The following POMZP3 variants were observed in gnomAD, a reference collection of about 807,000 sequenced individuals.
POMZP3 encodes the protein POM121 and ZP3 fusion.
Under a neutral mutation model 19.8 loss-of-function variants are expected in POMZP3, and 10 were observed. That is an observed-to-expected ratio of 0.51 (90% CI 0.31 to 0.86). The LOEUF (loss-of-function observed/expected upper bound fraction) is 0.86. Ranked by LOEUF, POMZP3 falls within the 40% of genes least tolerant of loss-of-function variation. POMZP3 has a pLI of 0.04. For missense variants in POMZP3, 152 were observed against 228.1 expected (o/e 0.67, Z 2.15); for synonymous variants, 57 against 85.8 (o/e 0.66, Z 1.85).
At position 76,626,127 on chromosome 7, in the gene POMZP3, G is replaced by A. The variant is rs1319453727; in HGVS notation, c.-63C>T. The A allele has an allele frequency of 1.4e-5, 22 of 1,612,410 alleles. No homozygotes were observed. The East Asian group carries it at 3.6e-4, about 26-fold the overall frequency. ...TAACCATTCCAGCACACTGTGGGAA[G>A]TACCCCCGGACAGGAATACTGGGCC... is the stretch of plus-strand genomic sequence containing the variant. On this transcript the variant is annotated 5_prime_UTR_variant, in exon 2 of 7. Transcript: ENST00000310842.
intron 4 of POMZP3, among the ~76,000 whole-genome samples, chr7:76,614,839 GAC>G (rs1428842594): frequency 2.6e-5 from 2 of 75,512 alleles, no homozygotes; most frequent in East Asian, 7.0e-4. Context: ...CAGCCTGGGT[GAC>G]AGAGCGAGAC....
At chr7:76,623,608 G>A (rs1342342791) in intron 3 of POMZP3, among the ~76,000 whole-genome samples, 1 of 147,270 alleles carries the variant, frequency 6.8e-6, no homozygotes, top group Non-Finnish European at 1.5e-5. Context: ...AGACCAGCCT[G>A]GCCAACAGGG....
chr7:76,620,347 A>AC (rs1452758833), intron 3 of POMZP3, among the ~76,000 whole-genome samples: 1 of 88,306 alleles, frequency 1.1e-5, no homozygotes, highest in African/African-American at 5.4e-5. Context: ...AAAAAAAAAA[A>AC]GGACAACACG....
intron 3 of POMZP3, among the ~76,000 whole-genome samples, chr7:76,624,444 C>T (rs1386676898): frequency 8.4e-6 from 1 of 118,474 alleles, no homozygotes; most frequent in Non-Finnish European, 1.7e-5. Context: ...TTACAAACCA[C>T]ATAAGGAATT....
At chr7:76,624,840 T>C (rs1815775511) in intron 3 of POMZP3, among the ~76,000 whole-genome samples, 1 of 151,406 alleles carries the variant, frequency 6.6e-6, no homozygotes, top group African/African-American at 2.4e-5. Flanking sequence ...ATTAAGACAC[T>C]AGAACTGGTG....
In POMZP3 at chr7:76,626,130, C is replaced by A. The variant is rs369559926; in HGVS notation, c.-66G>T. The A allele has an allele frequency of 1.2e-6, 2 of 1,611,848 alleles. No homozygotes were observed. Among genetic ancestry groups the A allele is most frequent in the South Asian group, 1.1e-5 (1 of 90,814 alleles). On this transcript the variant is annotated 5_prime_UTR_variant, in exon 2 of 7. Transcript: ENST00000310842. The stretch of plus-strand genomic sequence containing the variant: ...CCATTCCAGCACACTGTGGGAAGTA[C>A]CCCCGGACAGGAATACTGGGCCTGA...
chr7:76,618,099 A>AG, intron 4 of POMZP3, 84 bp downstream of exon 4: 5 of 1,032,282 alleles, frequency 4.8e-6, no homozygotes, highest in South Asian at 1.5e-5. Flanking sequence ...TCATTTGCTT[A>AG]GGGGTGGAGC....
chr7:76,626,199 G>A lies in POMZP3; in HGVS notation c.-135C>T. 3.8e-6 allele frequency: 6 copies of A among 1,563,856 alleles called. No homozygotes were observed. Among genetic ancestry groups the A allele is most frequent in the Non-Finnish European group, 4.3e-6 (5 of 1,153,168 alleles). ...CGAGGTGTTATTACAAACCGATCTG[G>A]TAAAGTCCCACGATCCCTGCAGAGA... On this transcript the variant is annotated 5_prime_UTR_variant, in exon 2 of 7. Transcript: ENST00000310842.
chr7:76,610,785 G>A (rs1038213693), intron 6 of POMZP3, among the ~76,000 whole-genome samples: 23 of 149,730 alleles, frequency 1.5e-4, no homozygotes, highest in African/African-American at 4.9e-4. Flanking sequence ...CAGGCTGGTC[G>A]AGAACTCATG....
intron 3 of POMZP3, among the ~76,000 whole-genome samples, chr7:76,623,264 G>C (rs62476691): frequency 4.0e-5 from 6 of 151,104 alleles, no homozygotes; most frequent in African/African-American, 1.5e-4. Flanking sequence ...ACAGTCTTAT[G>C]ACTCTTTAAT....
rs778799883 is a variant in POMZP3, at chr7:76,611,750, C to G, written c.409G>C (p.Ala137Pro). The change falls in exon 5 of 7, where the codon GCC becomes CCC. Residue 137 changes from alanine (A) to proline (P), a missense_variant. Ala to Pro is a conservative substitution (Grantham distance 27, BLOSUM62 -1). Transcript: ENST00000310842. ...AEQDPDELNK[A>P]CSFSKPSNSW... ...TTGGAAGGCTTGCTGAAGGAACAGG[C>G]CTTGTTGAGTTCATCTGGGTCCTGC... 1.9e-6 allele frequency: 3 copies of G among 1,548,574 alleles called. No individual in the cohort carries two copies. The South Asian group carries it at 3.4e-5, about 17-fold the overall frequency.
At chr7:76,621,098 CTT>C in intron 3 of POMZP3, 1 of 148,816 alleles carries the variant, frequency 6.7e-6, no homozygotes, top group South Asian at 2.1e-4. Flanking sequence ...AGCTATCTTG[CTT>C]TTCTTTGTTG....
Position 76,626,012 on chromosome 7 carries a change from G to A in POMZP3, c.53C>T (p.Ser18Leu), listed in dbSNP as rs761759503. Reference sequence around the variant, plus strand: ...CGATAATACTCACATCGCAGAACGCGAAAATCTTCTGTCAGGAGGGGCGAT... The same window carrying A: ...CGATAATACTCACATCGCAGAACGCAAAAATCTTCTGTCAGGAGGGGCGAT... ...LRIAPPDRRFSRSAIPEQIIS... is the reference protein window; with the variant it reads ...LRIAPPDRRFLRSAIPEQIIS... Residue 18 changes from serine (S) to leucine (L), a missense_variant, in exon 2 of 7, where the codon TCG becomes TTG. Around this residue, in one of 4 missense-constraint regions of POMZP3, gnomAD observed 70 missense variants for 64.1 expected, o/e 1.09. Transcript: ENST00000310842. 4.3e-6 allele frequency: 7 copies of A among 1,613,830 alleles called. No individual in the cohort carries two copies. The Admixed American group carries it at 8.3e-5, about 19-fold the overall frequency.
intron 3 of POMZP3, among the ~76,000 whole-genome samples, chr7:76,624,993 C>T (rs541666198): frequency 1.4e-4 from 21 of 151,496 alleles, no homozygotes; most frequent in Non-Finnish European, 1.3e-4. Context: ...ATTAGCCGGG[C>T]ATGGTGGCGG....
Position 76,626,869 on chromosome 7 carries a change from G to A in POMZP3, c.-313C>T. On this transcript the variant is annotated 5_prime_UTR_variant, in exon 1 of 7. Transcript: ENST00000310842. ...CAGGTCCTGGCCCTCCGGAGCGGGGGCGGGCTGCGGCGGCCCGGGCTTGCC... is the reference window on the plus strand; with the variant it reads ...CAGGTCCTGGCCCTCCGGAGCGGGGACGGGCTGCGGCGGCCCGGGCTTGCC... The A allele has an allele frequency of 7.2e-7, 1 of 1,395,980 alleles. No homozygotes were observed. The allele number at this position is 1,395,980 out of a possible 1,614,324, so 86.5% of individuals were successfully genotyped here. A position where few individuals can be genotyped will look rare whatever the true frequency, so the allele number is the denominator to read the frequency against.
chr7:76,626,766 G>A lies in POMZP3; in HGVS notation c.-210C>T. ...GGAGTGGGGAGAGAGGGGTAAAAGTGGTGAACGCGATGGGTCGGCGGGGAG... is the reference window on the plus strand; with the variant it reads ...GGAGTGGGGAGAGAGGGGTAAAAGTAGTGAACGCGATGGGTCGGCGGGGAG... On this transcript the variant is annotated 5_prime_UTR_variant, in exon 1 of 7. Coordinates refer to ENST00000310842, the MANE Select transcript of POMZP3 (RefSeq NM_012230.5). 2 of 1,385,330 alleles carry A rather than the reference G, an allele frequency of 1.4e-6. No individual in the cohort carries two copies. Among genetic ancestry groups the A allele is most frequent in the Admixed American group, 3.7e-5 (1 of 27,368 alleles). 85.8% of individuals were successfully genotyped at this position (1,385,330 alleles called of 1,614,324 possible).
At chr7:76,622,171 C>G (rs1349931735) in intron 3 of POMZP3, among the ~76,000 whole-genome samples, 1 of 149,654 alleles carries the variant, frequency 6.7e-6, no homozygotes, top group African/African-American at 2.5e-5. Context: ...AGCATATCAT[C>G]AAGAAATAAT....
At chr7:76,618,958 T>G (rs1815398160) in intron 3 of POMZP3, among the ~76,000 whole-genome samples, 1 of 152,096 alleles carries the variant, frequency 6.6e-6, no homozygotes, top group African/African-American at 2.4e-5. Context: ...AGGCCGATTT[T>G]TGTATTTTTT....
chr7:76,610,976 G>A (rs1281110101), intron 6 of POMZP3, among the ~76,000 whole-genome samples: 1 of 140,754 alleles, frequency 7.1e-6, no homozygotes, highest in Non-Finnish European at 1.5e-5. Flanking sequence ...CCAGATTCAA[G>A]TGATTCTCCT....
Sources: gnomAD v4.1 joint callset for allele counts (sites outside exome capture counted in the v4.1 genomes callset) on GRCh38, gnomAD v4.1.1 for gene constraint, gnomAD v4.1.1 regional missense constraint, MANE v1.5 for transcripts, NCBI Gene and HGNC (gene_info 2026-07-23, HGNC 2026-07-21) for gene names.